Variants in FOXP1 observed in about 807,000 individuals in gnomAD.
FOXP1 encodes forkhead box P1.
Under a neutral mutation model 98.2 loss-of-function variants are expected in FOXP1, and 15 were observed. That is an observed-to-expected ratio of 0.15 (90% CI 0.10 to 0.24). The LOEUF (loss-of-function observed/expected upper bound fraction) is 0.24, where lower values mean the gene tolerates loss of function less well. Ranked by LOEUF, FOXP1 falls within the 10% of genes least tolerant of loss-of-function variation. FOXP1 has a pLI of 1.00. For synonymous variants in FOXP1, 371 were observed against 314.5 expected, an observed-to-expected ratio of 1.18 and a Z score of -1.90; for missense variants, 633 against 848.5, an observed-to-expected ratio of 0.75 and a Z score of 3.15.
Position 71,055,035 on chromosome 3 carries a change from G to A in FOXP1, c.283-1262C>T, listed in dbSNP as rs140509477. ...GATAAAAGAATTAAAAAATCTTTCAGGGGAGCAGTAAGCAAAAGGCAGAAA... is the reference window on the plus strand; with the variant it reads ...GATAAAAGAATTAAAAAATCTTTCAAGGGAGCAGTAAGCAAAAGGCAGAAA... On this transcript the variant is annotated intron_variant, in intron 7 of 20. Transcript: ENST00000649528. 5.2e-4 allele frequency among the ~76,000 whole-genome samples: 79 copies of A among 152,158 alleles called. No homozygotes were observed. In the East Asian group the frequency reaches 0.014, roughly 27 times the overall value.
chr3:71,501,327 G>A (rs1033518655), intron 2 of FOXP1, among the ~76,000 whole-genome samples: 18 of 130,036 alleles, frequency 1.4e-4, no homozygotes, highest in African/African-American at 4.5e-4. Context: ...ACGGAGTCTC[G>A]CTGTGTTGCC....
intron 4 of FOXP1, among the ~76,000 whole-genome samples, chr3:71,321,770 C>T (rs1215611221): frequency 1.3e-5 from 2 of 152,022 alleles, no homozygotes; most frequent in African/African-American, 4.8e-5. Context: ...TACAAGTGTG[C>T]ACCACCACAC....
chr3:70,959,798 G>A (rs1692746357), intron 20 of FOXP1, among the ~76,000 whole-genome samples: 1 of 152,118 alleles, frequency 6.6e-6, no homozygotes, highest in South Asian at 2.1e-4. Flanking sequence ...GGGCCTTGTT[G>A]AAATGCAGTG....
At chr3:71,414,226 G>T (rs1266126793) in intron 3 of FOXP1, among the ~76,000 whole-genome samples, 1 of 152,174 alleles carries the variant, frequency 6.6e-6, no homozygotes, top group Non-Finnish European at 1.5e-5. Flanking sequence ...AACGTGATGG[G>T]GATTTCCTGT....
At chr3:71,549,348 T>G (rs954406227) in intron 2 of FOXP1, among the ~76,000 whole-genome samples, 1 of 152,236 alleles carries the variant, frequency 6.6e-6, no homozygotes, top group African/African-American at 2.4e-5. Context: ...GCACATGTTT[T>G]TAGACTCCAA....
At chr3:71,168,311 A>AC (rs397762372) in intron 6 of FOXP1, among the ~76,000 whole-genome samples, 3 of 151,996 alleles carry the variant, frequency 2.0e-5, no homozygotes, top group Non-Finnish European at 4.4e-5. Context: ...GAAAAAAAAA[A>AC]CAAAACAAAG....
At chr3:71,477,983 G>T (rs2089986274) in intron 3 of FOXP1, among the ~76,000 whole-genome samples, 2 of 152,100 alleles carry the variant, frequency 1.3e-5, no homozygotes, top group South Asian at 4.1e-4. Flanking sequence ...CATTATAACA[G>T]AAACAGGAAT....
At chr3:71,450,465 G>A (rs2083370642) in intron 3 of FOXP1, among the ~76,000 whole-genome samples, 1 of 152,190 alleles carries the variant, frequency 6.6e-6, no homozygotes, top group South Asian at 2.1e-4. Flanking sequence ...GCTGTCCGAT[G>A]CAAATTTGTG....
At chr3:71,211,588 A>G (rs1212947584) in intron 5 of FOXP1, among the ~76,000 whole-genome samples, 3 of 152,222 alleles carry the variant, frequency 2.0e-5, no homozygotes, top group African/African-American at 7.2e-5. Flanking sequence ...TATTTTTAAA[A>G]AAGTACATTA....
intron 3 of FOXP1, among the ~76,000 whole-genome samples, chr3:71,452,086 A>T (rs1456809102): frequency 6.6e-6 from 1 of 152,160 alleles, no homozygotes; most frequent in Non-Finnish European, 1.5e-5. Context: ...AAAGACGTAC[A>T]TGTCATTGCC....
intron 3 of FOXP1, among the ~76,000 whole-genome samples, chr3:71,374,701 A>G (rs1260654657): frequency 6.6e-6 from 1 of 152,210 alleles, no homozygotes; most frequent in Non-Finnish European, 1.5e-5. Context: ...ATTATTGTGC[A>G]AGTATCCAAG....
intron 4 of FOXP1, among the ~76,000 whole-genome samples, chr3:71,343,245 C>G (rs2077117721): frequency 6.6e-6 from 1 of 152,282 alleles, no homozygotes; most frequent in South Asian, 2.1e-4. Context: ...AGAAAAACAA[C>G]AGAATGTAGC....
intron 1 of FOXP1, chr3:71,582,613 G>T (rs2048275642): frequency 1.0e-6 from 1 of 985,446 alleles, no homozygotes; most frequent in Non-Finnish European, 1.2e-6. Context: ...GCTTCAGAGG[G>T]GGGTAAAATC....
At chr3:71,540,094 C>A (rs1162615909) in intron 2 of FOXP1, among the ~76,000 whole-genome samples, 2 of 152,194 alleles carry the variant, frequency 1.3e-5, no homozygotes, top group Non-Finnish European at 2.9e-5. Context: ...CTAGGTTGGT[C>A]TTAATGGTGT....
intron 3 of FOXP1, among the ~76,000 whole-genome samples, chr3:71,466,182 G>A (rs1241241228): frequency 1.3e-5 from 2 of 152,144 alleles, no homozygotes; most frequent in Non-Finnish European, 2.9e-5. Context: ...GACCTTTCAA[G>A]GACGCTTCCT....
chr3:71,405,632 TG>T (rs1413680534), intron 3 of FOXP1, among the ~76,000 whole-genome samples: 7 of 152,266 alleles, frequency 4.6e-5, no homozygotes, highest in African/African-American at 1.4e-4. Context: ...CAGAATCACT[TG>T]GGAAGGTTAT....
At chr3:71,476,884 T>A (rs992903405) in intron 3 of FOXP1, among the ~76,000 whole-genome samples, 11 of 152,174 alleles carry the variant, frequency 7.2e-5, no homozygotes, top group African/African-American at 2.4e-4. Context: ...TAATAATAAC[T>A]GATTAGGTCT....
intron 7 of FOXP1, among the ~76,000 whole-genome samples, chr3:71,080,525 T>C (rs918976570): frequency 2.0e-5 from 3 of 152,272 alleles, no homozygotes; most frequent in Non-Finnish European, 4.4e-5. Context: ...TGTTTAACTT[T>C]GTCGCATTAT....
At chr3:71,504,406 C>T (rs2041652966) in intron 2 of FOXP1, among the ~76,000 whole-genome samples, 1 of 152,304 alleles carries the variant, frequency 6.6e-6, no homozygotes, top group South Asian at 2.1e-4. Flanking sequence ...AAATGGGTTA[C>T]CCAGCCAGCC....
Sources: gnomAD v4.1 joint callset for allele counts (sites outside exome capture counted in the v4.1 genomes callset) on GRCh38, gnomAD v4.1.1 for gene constraint, MANE v1.5 for transcripts, NCBI Gene and HGNC (gene_info 2026-07-23, HGNC 2026-07-21) for gene names.